The following GIPC2 variants were observed in gnomAD, a reference collection of about 807,000 sequenced individuals.
The protein encoded by GIPC2 is PDZ domain-containing protein GIPC2.
A neutral mutation model predicts 30.6 loss-of-function variants in GIPC2; 30 were observed. The observed-to-expected ratio is 0.98, with a 90% CI of 0.73 to 1.33. The LOEUF is 1.33. Ranked by LOEUF, GIPC2 falls within the 40% of genes most tolerant of loss-of-function variation. The pLI is 0.00. For missense variants in GIPC2, 414 were observed against 390.3 expected (o/e 1.06, Z -0.51); for synonymous variants, 167 against 150.0 (o/e 1.11, Z -0.83).
chr1:78,095,902 A>C (rs1052595127), intron 3 of GIPC2, among the ~76,000 whole-genome samples: 1 of 152,202 alleles, frequency 6.6e-6, no homozygotes, highest in African/African-American at 2.4e-5. Flanking sequence ...ACAGAACATA[A>C]ATATTCCATT....
chr1:78,121,187 C>T (rs887878082), intron 4 of GIPC2, among the ~76,000 whole-genome samples: 1 of 152,078 alleles, frequency 6.6e-6, no homozygotes, highest in African/African-American at 2.4e-5. Context: ...AAGAAAACTG[C>T]AAGTTTGGGG....
chr1:78,058,274 A>G (rs1389483040), intron 1 of GIPC2, among the ~76,000 whole-genome samples: 1 of 152,230 alleles, frequency 6.6e-6, no homozygotes, highest in East Asian at 1.9e-4. Flanking sequence ...TGAGGGGTAC[A>G]TGAAAAATCA....
chr1:78,074,279 G>A (rs1428630474), intron 1 of GIPC2, among the ~76,000 whole-genome samples: 1 of 152,174 alleles, frequency 6.6e-6, no homozygotes, highest in Non-Finnish European at 1.5e-5. Context: ...AGGCTAGAGT[G>A]TAGTAGCACA....
At chr1:78,100,093 T>TA (rs1414998938) in intron 3 of GIPC2, among the ~76,000 whole-genome samples, 2 of 152,180 alleles carry the variant, frequency 1.3e-5, no homozygotes, top group East Asian at 3.8e-4. Flanking sequence ...GGATATAAGA[T>TA]AGAGTTTAGG....
At chr1:78,090,345 C>T (rs1662015576) in intron 2 of GIPC2, among the ~76,000 whole-genome samples, 1 of 152,018 alleles carries the variant, frequency 6.6e-6, no homozygotes, top group African/African-American at 2.4e-5. Context: ...TAGGAATGTG[C>T]CACCATGCCT....
At chr1:78,063,115 T>A (rs930822327) in intron 1 of GIPC2, among the ~76,000 whole-genome samples, 3 of 152,216 alleles carry the variant, frequency 2.0e-5, no homozygotes, top group Admixed American at 1.3e-4. Flanking sequence ...TAAACAATGT[T>A]TTCTACCTAT....
intron 1 of GIPC2, among the ~76,000 whole-genome samples, chr1:78,075,134 C>G (rs187507754): frequency 5.3e-5 from 8 of 152,224 alleles, no homozygotes; most frequent in Admixed American, 5.2e-4. Flanking sequence ...CTCAAACTGG[C>G]TAAACCAAGA....
At chr1:78,078,739 C>A (rs531262628) in intron 1 of GIPC2, among the ~76,000 whole-genome samples, 200 of 151,220 alleles carry the variant, frequency 1.3e-3, no homozygotes, top group Non-Finnish European at 2.2e-3. Flanking sequence ...TCCTGTTATA[C>A]CATCATGGTA....
intron 1 of GIPC2, among the ~76,000 whole-genome samples, chr1:78,066,258 C>A (rs781605676): frequency 1.3e-5 from 2 of 152,082 alleles, no homozygotes; most frequent in Non-Finnish European, 1.5e-5. Flanking sequence ...AGCAGACATA[C>A]ATGTGACCAA....
At chr1:78,068,409 C>T (rs567744200) in intron 1 of GIPC2, among the ~76,000 whole-genome samples, 3 of 152,248 alleles carry the variant, frequency 2.0e-5, no homozygotes, top group Non-Finnish European at 4.4e-5. Context: ...TAGAAGAACT[C>T]TACCACTGCC....
intron 4 of GIPC2, among the ~76,000 whole-genome samples, chr1:78,121,074 G>A: frequency 6.6e-6 from 1 of 152,158 alleles, no homozygotes; most frequent in South Asian, 2.1e-4. Context: ...TTTGAGAAAA[G>A]CAAGGATTTT....
chr1:78,060,543 G>A (rs1205039561), intron 1 of GIPC2, among the ~76,000 whole-genome samples: 1 of 152,112 alleles, frequency 6.6e-6, no homozygotes, highest in African/African-American at 2.4e-5. Flanking sequence ...GTTAATGAGG[G>A]CATCCATAAT....
At position 78,136,551 on chromosome 1, in the gene GIPC2, A is replaced by G; in HGVS notation, c.*808A>G. 7.6e-6 allele frequency: 1 copy of G among 131,716 alleles called. No individual in the cohort carries two copies. The highest frequency in any genetic ancestry group is 1.6e-5 in the Non-Finnish European group (1 of 60,812). 8.2% of individuals were successfully genotyped at this position (131,716 alleles called of 1,614,324 possible). ...TTATAAGCACTCCAGGGAAGATTTT[A>G]TATTTTTTTGTAGAGTTTTTGGAAA... On this transcript the variant is annotated 3_prime_UTR_variant, in exon 6 of 6. Coordinates refer to ENST00000370759, the MANE Select transcript of GIPC2 (RefSeq NM_017655.6).
chr1:78,047,984 T>G (rs989171570), intron 1 of GIPC2, among the ~76,000 whole-genome samples: 1 of 152,232 alleles, frequency 6.6e-6, no homozygotes, highest in African/African-American at 2.4e-5. Context: ...AACCAGGGAC[T>G]TCAGTTTTAG....
Position 78,094,965 on chromosome 1 carries a change from G to A in GIPC2, c.440G>A (p.Gly147Asp). ...ATTTCCTTTCAGAGAATTAAAGATG[G>A]TGGTGTTATTGACTCAGTTAAAACA... ...GYAFIKRIKD[G>D]GVIDSVKTIC... Residue 147 changes from glycine (G) to aspartate (D), a missense_variant, in exon 3 of 6, where the codon GGT becomes GAT. Transcript: ENST00000370759. 6.3e-7 allele frequency: 1 copy of A among 1,587,300 alleles called. No individual in the cohort carries two copies. The highest frequency in any genetic ancestry group is 1.7e-5 in the Admixed American group (1 of 59,740).
At chr1:78,111,072 G>C (rs1216112438) in intron 3 of GIPC2, among the ~76,000 whole-genome samples, 1 of 152,190 alleles carries the variant, frequency 6.6e-6, no homozygotes, top group Non-Finnish European at 1.5e-5. Context: ...TTCTCTTGGT[G>C]CTCTGTAACT....
At chr1:78,114,192 A>T (rs540191568) in intron 3 of GIPC2, among the ~76,000 whole-genome samples, 26 of 152,308 alleles carry the variant, frequency 1.7e-4, no homozygotes, top group African/African-American at 6.3e-4. Flanking sequence ...CGAGTCAGCT[A>T]GCTAGCTGCA....
chr1:78,100,940 ATACACACACACACACAC>A (rs1287216651), intron 3 of GIPC2, among the ~76,000 whole-genome samples: 5 of 113,484 alleles, frequency 4.4e-5, no homozygotes, highest in Middle Eastern at 5.0e-3. Context: ...AAAAAAAAAA[ATACACACACACACACAC>A]ACACACACAC....
chr1:78,112,497 G>A (rs1000461405), intron 3 of GIPC2: 1 of 518,960 alleles, frequency 1.9e-6, no homozygotes, highest in Admixed American at 1.9e-5. Context: ...TGAAATTATG[G>A]TCTCTGCCCA....
Sources: allele counts gnomAD v4.1 joint callset (sites outside exome capture counted in the v4.1 genomes callset), GRCh38; gene constraint gnomAD v4.1.1; transcripts MANE v1.5; gene names NCBI Gene and HGNC (gene_info 2026-07-23, HGNC 2026-07-21).